MTSS1: variants seen among roughly 807,000 people sequenced by gnomAD.
MTSS1 encodes protein MTSS 1.
In MTSS1, 18 loss-of-function variants were observed where a neutral mutation model predicts 79.0. The observed-to-expected ratio is 0.23, with a 90% confidence interval of 0.16 to 0.34. MTSS1 has a LOEUF of 0.34. MTSS1 is among the 10% of genes least tolerant of loss of function. The pLI, the probability that MTSS1 is intolerant of heterozygous loss-of-function variation, is 1.00. For synonymous variants in MTSS1, 341 were observed against 368.6 expected (o/e 0.93, Z 0.86); for missense variants, 815 against 986.2 (o/e 0.83, Z 2.33).
At chr8:124,671,565 A>T (rs143730542) in intron 3 of MTSS1, among the ~76,000 whole-genome samples, 4 of 152,356 alleles carry the variant, frequency 2.6e-5, no homozygotes, top group African/African-American at 7.2e-5. Context: ...TTTTCTGAAG[A>T]TGACCAAAGT....
chr8:124,639,744 G>T (rs892923075), intron 3 of MTSS1, among the ~76,000 whole-genome samples: 3 of 152,118 alleles, frequency 2.0e-5, no homozygotes, highest in Non-Finnish European at 4.4e-5. Flanking sequence ...GATTACAGGC[G>T]TGAGCCACCG....
intron 3 of MTSS1, among the ~76,000 whole-genome samples, chr8:124,616,593 C>T (rs964250660): frequency 3.9e-5 from 6 of 152,060 alleles, no homozygotes; most frequent in Admixed American, 2.6e-4. Flanking sequence ...ACGGATAGTT[C>T]CCAGGTATTA....
At chr8:124,710,292 G>A (rs150068872) in intron 1 of MTSS1, among the ~76,000 whole-genome samples, 108 of 152,376 alleles carry the variant, frequency 7.1e-4, no homozygotes, top group Non-Finnish European at 1.4e-3. Flanking sequence ...CAGGTGATGG[G>A]AGAACCTGGC....
chr8:124,696,173 A>G (rs767494700), intron 3 of MTSS1, among the ~76,000 whole-genome samples: 1 of 152,022 alleles, frequency 6.6e-6, no homozygotes, highest in East Asian at 1.9e-4. Context: ...CTTTTAGTAG[A>G]GACAGGATTT....
intron 3 of MTSS1, among the ~76,000 whole-genome samples, chr8:124,676,318 A>G (rs1474453166): frequency 6.6e-6 from 1 of 152,240 alleles, no homozygotes; most frequent in African/African-American, 2.4e-5. Flanking sequence ...CTGCAGGGAC[A>G]TGGAAAGAAA....
At chr8:124,715,427 C>G (rs1487067741) in intron 1 of MTSS1, among the ~76,000 whole-genome samples, 3 of 151,658 alleles carry the variant, frequency 2.0e-5, no homozygotes, top group South Asian at 2.1e-4. Flanking sequence ...AAACTGAGAC[C>G]TCTCCGCAGC....
chr8:124,695,336 A>G (rs1466786258), intron 3 of MTSS1, among the ~76,000 whole-genome samples: 1 of 59,866 alleles, frequency 1.7e-5, no homozygotes, highest in Non-Finnish European at 3.2e-5. Context: ...CAAGAGGGAT[A>G]AAAAAAAAAA....
chr8:124,659,247 T>G (rs546837180), intron 3 of MTSS1, among the ~76,000 whole-genome samples: 95 of 152,264 alleles, frequency 6.2e-4, no homozygotes, highest in African/African-American at 2.0e-3. Context: ...TGAGGGGACT[T>G]TAAATAATTA....
chr8:124,612,742 T>C (rs1457306029), intron 3 of MTSS1, among the ~76,000 whole-genome samples: 1 of 152,060 alleles, frequency 6.6e-6, no homozygotes, highest in Non-Finnish European at 1.5e-5. Context: ...AGATTAACAC[T>C]GAATTGTATT....
intron 10 of MTSS1, chr8:124,558,869 G>A (rs1824624555): frequency 2.0e-6 from 3 of 1,520,858 alleles, no homozygotes; most frequent in East Asian, 2.5e-5. Context: ...GGGACCAACA[G>A]AAACCGAGCC....
chr8:124,625,264 C>G (rs1563885630), intron 3 of MTSS1, among the ~76,000 whole-genome samples: 1 of 152,170 alleles, frequency 6.6e-6, no homozygotes, highest in African/African-American at 2.4e-5. Flanking sequence ...AAATGGAACT[C>G]TGTACCTGCT....
At chr8:124,574,324 C>T (rs1232193332) in intron 6 of MTSS1, among the ~76,000 whole-genome samples, 1 of 147,726 alleles carries the variant, frequency 6.8e-6, no homozygotes. Context: ...AACTTCAACA[C>T]TTGCATTTTA....
At chr8:124,598,629 A>G (rs3857950) in intron 3 of MTSS1, among the ~76,000 whole-genome samples, 47,341 of 152,086 alleles carry the variant, frequency 0.31, 8,921 homozygotes, top group African/African-American at 0.52. Flanking sequence ...AAGCACAGAG[A>G]TAATAGGCAA....
chr8:124,603,109 T>A (rs571864470), intron 3 of MTSS1, among the ~76,000 whole-genome samples: 1 of 152,346 alleles, frequency 6.6e-6, no homozygotes, highest in East Asian at 1.9e-4. Context: ...CACCACAACC[T>A]ACACCTCCCG....
At chr8:124,656,461 C>T (rs1209042030) in intron 3 of MTSS1, among the ~76,000 whole-genome samples, 1 of 143,308 alleles carries the variant, frequency 7.0e-6, no homozygotes, top group African/African-American at 2.6e-5. Flanking sequence ...GAGCCAGGAC[C>T]TTTTTTTTTT....
At chr8:124,589,844 G>C in intron 4 of MTSS1, 133 bp from the exon 5 acceptor site, 1 of 652,268 alleles carries the variant, frequency 1.5e-6, no homozygotes, top group Non-Finnish European at 2.7e-6. Context: ...CGGGGCTCCA[G>C]AACAGCCATG....
intron 1 of MTSS1, among the ~76,000 whole-genome samples, chr8:124,724,549 A>G (rs932343691): frequency 1.8e-4 from 27 of 152,222 alleles, no homozygotes; most frequent in African/African-American, 6.3e-4. Flanking sequence ...TTCTTGAGCA[A>G]CAAGGGTGAA....
chr8:124,565,298 G>A (rs1417416576), intron 9 of MTSS1, among the ~76,000 whole-genome samples: 1 of 152,242 alleles, frequency 6.6e-6, no homozygotes, highest in Middle Eastern at 3.2e-3. Flanking sequence ...TCTGGCAACA[G>A]TGAGATCAGC....
In MTSS1 at chr8:124,591,210, A is replaced by G; in HGVS notation, c.234T>C (p.Ala78=). Residue 78 remains alanine (A), a synonymous_variant, in exon 4 of 14, where the codon GCT becomes GCC. Coordinates refer to ENST00000518547, the MANE Select transcript of MTSS1 (RefSeq NM_014751.6). The part of the protein sequence containing the change: ...TRGGTREIGS[A]LTRMCMRHRS... ...TGTGCCTCATGCACATCCTGGTGAG[A>G]GCAGATCCAATCTCCCTGGTCCCAC... 1 of 1,614,220 alleles carries G rather than the reference A, an allele frequency of 6.2e-7. No homozygotes were observed. Among genetic ancestry groups the G allele is most frequent in the Non-Finnish European group, 8.5e-7 (1 of 1,180,034 alleles).
Sources: allele counts gnomAD v4.1 joint callset (sites outside exome capture counted in the v4.1 genomes callset), GRCh38; gene constraint gnomAD v4.1.1; transcripts MANE v1.5; gene names NCBI Gene and HGNC (gene_info 2026-07-23, HGNC 2026-07-21).